SPATA17: variants seen among roughly 807,000 people sequenced by gnomAD.
SPATA17 encodes spermatogenesis associated 17.
SPATA17 carries 53 observed loss-of-function variants against 62.2 expected under a neutral mutation model. That is an observed-to-expected ratio of 0.85 (90% CI 0.68 to 1.07). SPATA17 has a LOEUF of 1.07. Among genes scored for constraint, SPATA17 ranks in the 50% least tolerant of loss-of-function variants. The pLI is 0.00. For missense variants in SPATA17, 466 were observed against 425.5 expected, an observed-to-expected ratio of 1.10 and a Z score of -0.84; for synonymous variants, 146 against 146.8, an observed-to-expected ratio of 0.99 and a Z score of 0.04.
At chr1:217,856,538 A>G (rs1406769278) in intron 9 of SPATA17, among the ~76,000 whole-genome samples, 1 of 152,180 alleles carries the variant, frequency 6.6e-6, no homozygotes, top group Admixed American at 6.5e-5. Context: ...ACAATATGCA[A>G]AGGAACTTCG....
chr1:217,631,813 A>G (rs1405421351), intron 1 of SPATA17, among the ~76,000 whole-genome samples: 2 of 152,166 alleles, frequency 1.3e-5, no homozygotes, highest in Non-Finnish European at 2.9e-5. Context: ...TGTCCCATCT[A>G]CCTAGGGATT....
intron 8 of SPATA17, among the ~76,000 whole-genome samples, chr1:217,793,551 T>G (rs1238291013): frequency 1.3e-5 from 2 of 152,144 alleles, no homozygotes; most frequent in Non-Finnish European, 1.5e-5. Context: ...CTTAACTGCA[T>G]CACCTTGAGG....
intron 5 of SPATA17, among the ~76,000 whole-genome samples, chr1:217,716,065 C>G (rs1671995924): frequency 6.6e-6 from 1 of 152,110 alleles, no homozygotes; most frequent in South Asian, 2.1e-4. Context: ...CTCCAATATA[C>G]TCACCATCAT....
At chr1:217,832,892 T>C (rs1675175494) in intron 9 of SPATA17, among the ~76,000 whole-genome samples, 1 of 151,666 alleles carries the variant, frequency 6.6e-6, no homozygotes, top group African/African-American at 2.4e-5. Context: ...TGCAGTGAGC[T>C]GGGATTGTAC....
chr1:217,678,710 G>C (rs1429573784), intron 4 of SPATA17, among the ~76,000 whole-genome samples: 1 of 152,126 alleles, frequency 6.6e-6, no homozygotes, highest in South Asian at 2.1e-4. Context: ...ACATTTTGAT[G>C]TTACTTAATG....
At chr1:217,639,055 G>T (rs776710854) in intron 1 of SPATA17, among the ~76,000 whole-genome samples, 24 of 151,988 alleles carry the variant, frequency 1.6e-4, no homozygotes, top group Admixed American at 2.6e-4. Flanking sequence ...AAATACCCTA[G>T]AAGAAAACTT....
chr1:217,850,652 A>G, intron 9 of SPATA17: 1 of 1,566,206 alleles, frequency 6.4e-7, no homozygotes. Context: ...GTTAGCAGAT[A>G]CGAGGATGCT....
intron 9 of SPATA17, among the ~76,000 whole-genome samples, chr1:217,859,059 A>G (rs951471113): frequency 6.7e-6 from 1 of 148,690 alleles, no homozygotes. Context: ...AAATAAAATT[A>G]TATATGTGTA....
chr1:217,636,281 G>A (rs1337173132), intron 1 of SPATA17, among the ~76,000 whole-genome samples: 4 of 152,144 alleles, frequency 2.6e-5, no homozygotes, highest in Non-Finnish European at 5.9e-5. Context: ...TCTTCCTAAT[G>A]GCTAGCATCA....
At position 217,867,209 on chromosome 1, in the gene SPATA17, C is replaced by T. The variant is rs780692095; in HGVS notation, c.*190C>T. 6.6e-6 allele frequency: 1 copy of T among 152,112 alleles called. No individual in the cohort carries two copies. Among genetic ancestry groups the T allele is most frequent in the South Asian group, 2.1e-4 (1 of 4,832 alleles). 9.4% of individuals were successfully genotyped at this position (152,112 alleles called of 1,614,324 possible). On this transcript the variant is annotated 3_prime_UTR_variant, in exon 11 of 11. Coordinates refer to ENST00000366933, the MANE Select transcript of SPATA17 (RefSeq NM_138796.4). Reference sequence around the variant, plus strand: ...AATCTCTTAGACATATCTTTTCAAACAAATACTTAAACTTGAGTCTGTTAC... The same window carrying T: ...AATCTCTTAGACATATCTTTTCAAATAAATACTTAAACTTGAGTCTGTTAC...
chr1:217,745,517 A>T (rs1672727127), intron 6 of SPATA17, among the ~76,000 whole-genome samples: 1 of 152,154 alleles, frequency 6.6e-6, no homozygotes, highest in Admixed American at 6.6e-5. Context: ...TCATGATATT[A>T]AAAAGTTGAA....
At chr1:217,855,942 G>T (rs1251652989) in intron 9 of SPATA17, among the ~76,000 whole-genome samples, 1 of 151,854 alleles carries the variant, frequency 6.6e-6, no homozygotes. Flanking sequence ...GGCCAGGATG[G>T]TCTCGATCCC....
chr1:217,650,422 C>T (rs980376537), intron 2 of SPATA17, among the ~76,000 whole-genome samples: 1 of 151,810 alleles, frequency 6.6e-6, no homozygotes, highest in Non-Finnish European at 1.5e-5. Context: ...CTCTCTTTCT[C>T]TCTCTTTTTT....
chr1:217,637,340 T>G (rs1669964500), intron 1 of SPATA17, among the ~76,000 whole-genome samples: 1 of 152,162 alleles, frequency 6.6e-6, no homozygotes, highest in Non-Finnish European at 1.5e-5. Context: ...TCAGTCCACA[T>G]TTATACCTGG....
chr1:217,800,506 T>G (rs1225935900), intron 8 of SPATA17, among the ~76,000 whole-genome samples: 2 of 152,162 alleles, frequency 1.3e-5, no homozygotes, highest in Non-Finnish European at 2.9e-5. Context: ...TGGTGTAAAT[T>G]TTTCTGAGAA....
chr1:217,793,417 T>C (rs1674053959), intron 8 of SPATA17, among the ~76,000 whole-genome samples: 1 of 152,000 alleles, frequency 6.6e-6, no homozygotes, highest in South Asian at 2.1e-4. Context: ...AGACGGGGTT[T>C]CACCGTGTTA....
intron 9 of SPATA17, among the ~76,000 whole-genome samples, chr1:217,856,632 G>C (rs895008380): frequency 1.3e-5 from 2 of 152,170 alleles, no homozygotes; most frequent in Non-Finnish European, 2.9e-5. Context: ...CACATGGTTT[G>C]ATTGAAGAAT....
intron 8 of SPATA17, among the ~76,000 whole-genome samples, chr1:217,786,629 G>A (rs1023980543): frequency 6.6e-6 from 1 of 152,096 alleles, no homozygotes; most frequent in African/African-American, 2.4e-5. Flanking sequence ...ATATAAATTT[G>A]ATTGTGAGAC....
intron 5 of SPATA17, among the ~76,000 whole-genome samples, chr1:217,708,735 A>G (rs539622281): frequency 2.0e-5 from 3 of 152,294 alleles, no homozygotes; most frequent in Admixed American, 1.3e-4. Context: ...AACAAAAAAA[A>G]AAACTTCAGG....
Sources: allele counts gnomAD v4.1 joint callset (sites outside exome capture counted in the v4.1 genomes callset), GRCh38; gene constraint gnomAD v4.1.1; transcripts MANE v1.5; gene names NCBI Gene and HGNC (gene_info 2026-07-23, HGNC 2026-07-21).